The following GSDMB variants were observed in gnomAD, a reference collection of about 807,000 sequenced individuals.
The protein encoded by GSDMB is gasdermin-B.
A neutral mutation model predicts 42.9 loss-of-function variants in GSDMB; 32 were observed. The observed-to-expected ratio is 0.75, with a 90% CI of 0.56 to 1.00. The LOEUF is 1.00. Ranked by LOEUF, GSDMB falls within the 50% of genes least tolerant of loss-of-function variation. The pLI, the probability that GSDMB is intolerant of heterozygous loss-of-function variation, is 0.00. For missense variants in GSDMB, 468 were observed against 498.5 expected (o/e 0.94, Z 0.58); for synonymous variants, 175 against 193.7 (o/e 0.90, Z 0.80).
chr17:39,918,452 C>G (rs529134197), intron 1 of GSDMB, 82 bp downstream of exon 1: 2 of 152,744 alleles, frequency 1.3e-5, no homozygotes, highest in African/African-American at 4.8e-5. Flanking sequence ...GGTTGACTCT[C>G]AGTTCACTAC....
intron 2 of GSDMB, among the ~76,000 whole-genome samples, chr17:39,915,288 T>A (rs542542026): frequency 1.3e-4 from 20 of 152,358 alleles, no homozygotes; most frequent in African/African-American, 4.8e-4. Context: ...ACACTTTAAC[T>A]GCACCATCAG....
intron 3 of GSDMB, 119 bp downstream of exon 3, chr17:39,912,207 G>T: frequency 1.4e-6 from 1 of 704,402 alleles, no homozygotes; most frequent in Non-Finnish European, 2.3e-6. Flanking sequence ...ATGAAAAGCA[G>T]GGAAAAGAAA....
At chr17:39,915,657 A>G (rs1356121655) in intron 2 of GSDMB, among the ~76,000 whole-genome samples, 2 of 144,980 alleles carry the variant, frequency 1.4e-5, no homozygotes, top group Non-Finnish European at 3.0e-5. Context: ...TTAGCAATTT[A>G]CTTTTCAGAG....
At chr17:39,910,012 T>C (rs752417772) in intron 3 of GSDMB, 88 bp from the exon 4 acceptor site, 239 of 1,027,556 alleles carry the variant, frequency 2.3e-4, no homozygotes, top group Non-Finnish European at 3.3e-4. Flanking sequence ...CCAGCTCCTA[T>C]TGAAGATTAA....
Position 39,904,937 on chromosome 17 carries a change from C to T in GSDMB, c.1126G>A (p.Asp376Asn). 1 of 1,613,942 alleles carries T rather than the reference C, an allele frequency of 6.2e-7. No homozygotes were observed. Among genetic ancestry groups the T allele is most frequent in the Non-Finnish European group, 8.5e-7 (1 of 1,179,846 alleles). Residue 376 changes from aspartate to asparagine, a missense_variant, in exon 11 of 11, where the codon GAT becomes AAT. Coordinates refer to ENST00000418519, the MANE Select transcript of GSDMB (RefSeq NM_001165958.2). ...TCAGGAGGACTGCTGGCCAGCTCAT[C>T]CCAGTTCTGCTCCATGACAGATTTC... ...QVKSVMEQNWDELASSPPDMD... is the reference protein window; with the variant it reads ...QVKSVMEQNWNELASSPPDMD...
chr17:39,905,615 G>C (rs2063490610), intron 9 of GSDMB, 119 bp from the exon 10 acceptor site: 1 of 947,402 alleles, frequency 1.1e-6, no homozygotes, highest in Admixed American at 2.0e-5. Context: ...GGGAGTGCTA[G>C]ATGAGACTTA....
intron 2 of GSDMB, among the ~76,000 whole-genome samples, chr17:39,915,848 C>A (rs1297557814): frequency 6.6e-6 from 1 of 152,136 alleles, no homozygotes; most frequent in Non-Finnish European, 1.5e-5. Context: ...GCTGTTAGAG[C>A]TCTTTTCCGT....
intron 2 of GSDMB, among the ~76,000 whole-genome samples, chr17:39,915,864 G>T (rs1390994895): frequency 1.3e-5 from 2 of 152,080 alleles, no homozygotes; most frequent in Non-Finnish European, 2.9e-5. Context: ...TCCGTCTCTT[G>T]GCATGAGACC....
intron 2 of GSDMB, among the ~76,000 whole-genome samples, chr17:39,913,092 G>C (rs959957242): frequency 7.3e-5 from 11 of 151,296 alleles, no homozygotes; most frequent in Admixed American, 2.0e-4. Flanking sequence ...GGAGGAGAGT[G>C]ACACTCTGCC....
chr17:39,916,948 T>C, intron 2 of GSDMB, 134 bp downstream of exon 2: 1 of 618,556 alleles, frequency 1.6e-6, no homozygotes, highest in Non-Finnish European at 2.9e-6. Context: ...TTTCTTAAAT[T>C]AAGGTGTGTG....
rs577973955 is a variant in GSDMB at position 39,906,662 on chromosome 17, G to A, written c.727+299C>T. 135 of 1,241,612 alleles carry A rather than the reference G, an allele frequency of 1.1e-4. 3 individuals are homozygous for A. The South Asian group carries it at 2.0e-3, about 18-fold the overall frequency. The allele number at this position is 1,241,612 out of a possible 1,614,324, so 76.9% of individuals were successfully genotyped here. A position where few individuals can be genotyped will look rare whatever the true frequency, so the allele number is the denominator to read the frequency against. The stretch of plus-strand genomic sequence containing the variant: ...TGACTACATGAGAATCACCTGAGGA[G>A]TTATTACAAATCCTGATGTCCAGGC... On this transcript the variant is annotated intron_variant, in intron 7 of 10. Transcript: ENST00000418519.
Position 39,917,227 on chromosome 17 carries a change from A to G in GSDMB, c.90T>C (p.Asp30=), listed in dbSNP as rs767236422. The G allele has an allele frequency of 2.0e-5, 33 of 1,614,076 alleles. No homozygotes were observed. In the South Asian group the frequency reaches 3.4e-4, roughly 17 times the overall value. ...GDMIAVRSLV[D]ADRFRCFHLV... ...GATGGAAGCAGCGGAATCTATCAGCATCAACAAGGCTTCTAACGGCAATCA... is the reference window on the plus strand; with the variant it reads ...GATGGAAGCAGCGGAATCTATCAGCGTCAACAAGGCTTCTAACGGCAATCA... Residue 30 remains aspartate, a synonymous_variant, in exon 2 of 11, where the codon GAT becomes GAC. Transcript: ENST00000418519.
chr17:39,905,057 A>G, intron 10 of GSDMB, 93 bp from the exon 11 acceptor site: 1 of 1,019,856 alleles, frequency 9.8e-7, no homozygotes. Context: ...CTGAGCTGAT[A>G]GGCAGACGTA....
At chr17:39,905,736 C>G in intron 9 of GSDMB, 111 bp downstream of exon 9, 2 of 1,229,584 alleles carry the variant, frequency 1.6e-6, no homozygotes, top group Non-Finnish European at 2.3e-6. Context: ...AGGAGTGCCC[C>G]CCATAAACTG....
chr17:39,917,057 C>T lies in GSDMB; in HGVS notation c.235+25G>A, dbSNP rs1598281559. On this transcript the variant is annotated intron_variant, in intron 2 of 10. Transcript: ENST00000418519. The stretch of plus-strand genomic sequence containing the variant: ...AAACGGTCAAGGCCTCCTGGCTGGC[C>T]ACCTGTCATCTACCTTATACTGACC... The T allele has an allele frequency of 9.9e-6, 15 of 1,516,886 alleles. No homozygotes were observed. In the East Asian group the frequency reaches 3.2e-4, roughly 32 times the overall value. 94.0% of individuals were successfully genotyped at this position (1,516,886 alleles called of 1,614,324 possible). A position where few individuals can be genotyped will look rare whatever the true frequency, so the allele number is the denominator to read the frequency against.
At chr17:39,910,098 G>A (rs1027135876) in intron 3 of GSDMB, among the ~76,000 whole-genome samples, 174 bp from the exon 4 acceptor site, 1 of 152,136 alleles carries the variant, frequency 6.6e-6, no homozygotes, top group Admixed American at 6.5e-5. Context: ...GGTGGAGGTA[G>A]GGGTGGGGTA....
At position 39,909,936 on chromosome 17, in the gene GSDMB, G is replaced by A. The variant is rs778798951; in HGVS notation, c.408-12C>T. 1.9e-6 allele frequency: 3 copies of A among 1,606,910 alleles called. No homozygotes were observed. The highest frequency in any genetic ancestry group is 2.6e-6 in the Non-Finnish European group (3 of 1,174,080). ...CCCTCTTCAGCTTCCTGGAGAGAGTGGAGAGAGATGAGAGTTAAGGATCTC... is the reference window on the plus strand; with the variant it reads ...CCCTCTTCAGCTTCCTGGAGAGAGTAGAGAGAGATGAGAGTTAAGGATCTC... On this transcript the variant is annotated splice_polypyrimidine_tract_variant and intron_variant, in intron 3 of 10. Coordinates refer to ENST00000418519, the MANE Select transcript of GSDMB (RefSeq NM_001165958.2).
In GSDMB at chr17:39,905,751, G is replaced by C. The variant is rs556626531; in HGVS notation, c.1027+96C>G. 2 of 1,360,872 alleles carry C rather than the reference G, an allele frequency of 1.5e-6. 1 individual carries two copies. The highest frequency in any genetic ancestry group is 3.8e-5 in the Admixed American group (2 of 53,108). The allele number at this position is 1,360,872 out of a possible 1,614,324, so 84.3% of individuals were successfully genotyped here. A position where few individuals can be genotyped will look rare whatever the true frequency, so the allele number is the denominator to read the frequency against. ...AGGAGTGCCCCCCATAAACTGTGAA[G>C]AGCAACATGCAGCCCCTCCTCCCAA... On this transcript the variant is annotated intron_variant, in intron 9 of 10. Transcript: ENST00000418519.
In GSDMB at chr17:39,908,224, C is replaced by G. The variant is rs1302499356; in HGVS notation, c.662-10G>C. Reference sequence around the variant, plus strand: ...CCCCTGAAATGAATATCTAAACCAGCACCAAAAAGGGAGGAAAAAACAAGT... The same window carrying G: ...CCCCTGAAATGAATATCTAAACCAGGACCAAAAAGGGAGGAAAAAACAAGT... On this transcript the variant is annotated splice_polypyrimidine_tract_variant and intron_variant, in intron 5 of 10. Coordinates refer to ENST00000418519, the MANE Select transcript of GSDMB (RefSeq NM_001165958.2). 1 of 1,490,928 alleles carries G rather than the reference C, an allele frequency of 6.7e-7. No homozygotes were observed. The highest frequency in any genetic ancestry group is 2.4e-5 in the East Asian group (1 of 40,864). 92.4% of individuals were successfully genotyped at this position (1,490,928 alleles called of 1,614,324 possible). A position where few individuals can be genotyped will look rare whatever the true frequency, so the allele number is the denominator to read the frequency against.
Sources: allele counts gnomAD v4.1 joint callset (sites outside exome capture counted in the v4.1 genomes callset), GRCh38; gene constraint gnomAD v4.1.1; transcripts MANE v1.5; gene names NCBI Gene and HGNC (gene_info 2026-07-23, HGNC 2026-07-21).